TIAM2: variants seen among roughly 807,000 people sequenced by gnomAD.
The protein encoded by TIAM2 is TIAM Rac1 associated GEF 2, also known as rho guanine nucleotide exchange factor TIAM2.
Under a neutral mutation model 152.9 loss-of-function variants are expected in TIAM2, and 80 were observed. The ratio of observed to expected loss-of-function variants is 0.52; its 90% CI spans 0.44 to 0.63. The LOEUF is 0.63. TIAM2 is among the 30% of genes least tolerant of loss of function. The pLI is 0.00. For synonymous variants in TIAM2, 804 were observed against 838.0 expected (o/e 0.96, Z 0.70); for missense variants, 1,965 against 2,120.1 (o/e 0.93, Z 1.44).
At chr6:155,210,398 C>T (rs979170875) in intron 14 of TIAM2, among the ~76,000 whole-genome samples, 2 of 151,680 alleles carry the variant, frequency 1.3e-5, no homozygotes, top group African/African-American at 4.8e-5. Context: ...TGCTCACTGC[C>T]GCCTCAAACT....
At chr6:155,030,237 C>G (rs892036987) in intron 1 of TIAM2, among the ~76,000 whole-genome samples, 2 of 152,070 alleles carry the variant, frequency 1.3e-5, no homozygotes, top group African/African-American at 4.8e-5. Context: ...TGAGGCAGGC[C>G]AGATGCAGAT....
At chr6:155,063,325 C>G (rs1237541636) in intron 1 of TIAM2, among the ~76,000 whole-genome samples, 1 of 152,168 alleles carries the variant, frequency 6.6e-6, no homozygotes, top group Non-Finnish European at 1.5e-5. Context: ...TAGACCTCTT[C>G]CCTGTGTGTA....
At chr6:155,178,234 A>T (rs924583225) in intron 10 of TIAM2, among the ~76,000 whole-genome samples, 1 of 151,590 alleles carries the variant, frequency 6.6e-6, no homozygotes, top group African/African-American at 2.4e-5. Flanking sequence ...GGCCTGAGAT[A>T]AATTTCTCAC....
chr6:155,008,868 C>T (rs1778440782), intron 1 of TIAM2, among the ~76,000 whole-genome samples: 1 of 152,124 alleles, frequency 6.6e-6, no homozygotes, highest in African/African-American at 2.4e-5. Flanking sequence ...TTTGTGTTTT[C>T]AGTGGGTGAA....
At chr6:155,191,824 G>A (rs1482178490) in intron 14 of TIAM2, among the ~76,000 whole-genome samples, 1 of 151,744 alleles carries the variant, frequency 6.6e-6, no homozygotes, top group African/African-American at 2.4e-5. Flanking sequence ...AAAAAAAATT[G>A]GGGAAAATAA....
chr6:155,183,142 A>C, intron 13 of TIAM2, 95 bp from the exon 14 acceptor site: 1 of 1,472,724 alleles, frequency 6.8e-7, no homozygotes, highest in Non-Finnish European at 9.2e-7. Flanking sequence ...AGTCCCTACG[A>C]GTACATGGTT....
At chr6:155,234,604 T>C (rs777292461) in intron 15 of TIAM2, among the ~76,000 whole-genome samples, 1 of 152,188 alleles carries the variant, frequency 6.6e-6, no homozygotes, top group Non-Finnish European at 1.5e-5. Context: ...GGGTTTCCCT[T>C]ATGTTGTTCA....
intron 2 of TIAM2, among the ~76,000 whole-genome samples, chr6:155,096,664 A>G (rs751902318): frequency 4.6e-5 from 7 of 152,104 alleles, no homozygotes; most frequent in East Asian, 1.9e-4. Context: ...TTTCACCCAC[A>G]TTGCTGCAAA....
chr6:155,116,323 T>C (rs552239465), intron 2 of TIAM2, among the ~76,000 whole-genome samples: 186 of 152,276 alleles, frequency 1.2e-3, no homozygotes, highest in African/African-American at 4.3e-3. Flanking sequence ...TCAGCAATGA[T>C]TGGTTAATTT....
At chr6:155,005,018 G>T in intron 1 of TIAM2, 1 of 516,670 alleles carries the variant, frequency 1.9e-6, no homozygotes, top group Non-Finnish European at 3.0e-6. Flanking sequence ...AGAGGCAGAA[G>T]GCAGTCATGG....
intron 1 of TIAM2, among the ~76,000 whole-genome samples, chr6:155,072,731 T>C (rs962551087): frequency 6.6e-6 from 1 of 151,998 alleles, no homozygotes; most frequent in Admixed American, 6.6e-5. Flanking sequence ...GAAGAGAATA[T>C]TGAAGACACA....
chr6:155,210,255 A>C (rs975781472), intron 14 of TIAM2, among the ~76,000 whole-genome samples: 8 of 151,812 alleles, frequency 5.3e-5, no homozygotes, highest in African/African-American at 1.9e-4. Flanking sequence ...CTTAAATTTT[A>C]AATTTTCATT....
rs114750819 is a variant in TIAM2 at position 155,102,086 on chromosome 6, A to G, written c.-118+11707A>G. Among the ~76,000 whole-genome samples the G allele has an allele frequency of 6.2e-3, 938 of 151,784 alleles. 10 individuals are homozygous for G. Among genetic ancestry groups the G allele is most frequent in the African/African-American group, 0.021 (874 of 41,366 alleles). On this transcript the variant is annotated intron_variant, in intron 2 of 26. Transcript: ENST00000682666. ...ATCTTAGCTCATTGCAACCTCTGCC[A>G]TCTGGGTTCAAGTGATTCTTCCACC...
chr6:155,242,985 C>T (rs113215774), intron 16 of TIAM2, among the ~76,000 whole-genome samples: 1,855 of 151,878 alleles, frequency 0.012, 34 homozygotes, highest in Non-Finnish European at 0.015. Context: ...TCAGGTGATC[C>T]ACCCGCCTCT....
chr6:155,000,802 GGT>G (rs1778300102), intron 1 of TIAM2, among the ~76,000 whole-genome samples: 1 of 152,162 alleles, frequency 6.6e-6, no homozygotes, highest in South Asian at 2.1e-4. Flanking sequence ...TGGCCAACAT[GGT>G]GAAACCCTGT....
chr6:155,023,431 C>G (rs898032148), intron 1 of TIAM2, among the ~76,000 whole-genome samples: 2 of 152,010 alleles, frequency 1.3e-5, no homozygotes, highest in Non-Finnish European at 2.9e-5. Flanking sequence ...CATATTGAAC[C>G]CTGGTCCTTT....
chr6:155,028,957 ACTGT>A (rs1776717545), intron 1 of TIAM2, among the ~76,000 whole-genome samples: 4 of 109,218 alleles, frequency 3.7e-5, no homozygotes, highest in African/African-American at 1.2e-4. Context: ...TTATATATAC[ACTGT>A]ATGTACTATA....
At position 155,045,757 on chromosome 6, in the gene TIAM2, C is replaced by T. The variant is rs945528335; in HGVS notation, c.-208-44532C>T. 6.6e-5 allele frequency among the ~76,000 whole-genome samples: 10 copies of T among 151,720 alleles called. No homozygotes were observed. The East Asian group carries it at 7.7e-4, about 12-fold the overall frequency. On this transcript the variant is annotated intron_variant, in intron 1 of 26. Transcript: ENST00000682666. Reference sequence around the variant, plus strand: ...CAGTGCTTTTACCCCTGTGGGGAGCCGCCCTTTGTGTGGAGGTTCAGAACT... The same window carrying T: ...CAGTGCTTTTACCCCTGTGGGGAGCTGCCCTTTGTGTGGAGGTTCAGAACT...
At chr6:155,017,669 AATTTTTTGT>A (rs1254991020) in intron 1 of TIAM2, among the ~76,000 whole-genome samples, 1 of 151,466 alleles carries the variant, frequency 6.6e-6, no homozygotes, top group Non-Finnish European at 1.5e-5. Context: ...ACGCCCGGCT[AATTTTTTGT>A]ATTTTTTGTA....
Sources: gnomAD v4.1 joint callset for allele counts (sites outside exome capture counted in the v4.1 genomes callset) on GRCh38, gnomAD v4.1.1 for gene constraint, MANE v1.5 for transcripts, NCBI Gene and HGNC (gene_info 2026-07-23, HGNC 2026-07-21) for gene names.